The following PRDM14 variants were observed in gnomAD, a reference collection of about 807,000 sequenced individuals.
PRDM14 encodes the protein PR domain zinc finger protein 14.
PRDM14 carries 16 observed loss-of-function variants against 48.0 expected under a neutral mutation model. The ratio of observed to expected loss-of-function variants is 0.33; its 90% confidence interval spans 0.23 to 0.51. The LOEUF (loss-of-function observed/expected upper bound fraction) is 0.51. Ranked by LOEUF, PRDM14 falls within the 20% of genes least tolerant of loss-of-function variation. The pLI is 0.97. For synonymous variants in PRDM14, 264 were observed against 276.6 expected, an observed-to-expected ratio of 0.95 and a Z score of 0.45; for missense variants, 566 against 719.6, an observed-to-expected ratio of 0.79 and a Z score of 2.44.
chr8:70,068,578 TA>T (rs758938783), intron 2 of PRDM14, 46 bp from the exon 3 acceptor site: 2 of 1,545,246 alleles, frequency 1.3e-6, no homozygotes, highest in Non-Finnish European at 1.8e-6. Context: ...AAATGCATTA[TA>T]AAGTGCTTTT....
intron 2 of PRDM14, among the ~76,000 whole-genome samples, chr8:70,068,818 CCTGA>C (rs1172687939): frequency 6.6e-6 from 1 of 152,154 alleles, no homozygotes; most frequent in Non-Finnish European, 1.5e-5. Context: ...AGAGGTAATG[CCTGA>C]CTAAGGTCAG....
At position 70,069,600 on chromosome 8, in the gene PRDM14, C is replaced by G. The variant is rs1008642336; in HGVS notation, c.261G>C (p.Glu87Asp). 2 of 1,590,594 alleles carry G rather than the reference C, an allele frequency of 1.3e-6. No individual in the cohort carries two copies. The highest frequency in any genetic ancestry group is 2.7e-5 in the African/African-American group (2 of 74,448). Residue 87 changes from glutamate (E) to aspartate (D), a missense_variant, in exon 2 of 8, where the codon GAG (glutamate) becomes GAC (aspartate). Coordinates refer to ENST00000276594, the MANE Select transcript of PRDM14 (RefSeq NM_024504.4). ...LLSPGLGLQREPLYDLPWYSK... is the reference protein window; with the variant it reads ...LLSPGLGLQRDPLYDLPWYSK... Reference sequence around the variant, plus strand: ...TGTACCAGGGCAGATCGTAGAGAGGCTCCCTCTGTAGGCCCAGACCCGGGC... The same window carrying G: ...TGTACCAGGGCAGATCGTAGAGAGGGTCCCTCTGTAGGCCCAGACCCGGGC...
intron 6 of PRDM14, 138 bp downstream of exon 6, chr8:70,058,502 T>C: frequency 1.4e-6 from 1 of 699,994 alleles, no homozygotes; most frequent in Non-Finnish European, 2.5e-6. Context: ...CGTAATACTA[T>C]CCTCTCCTCC....
At position 70,055,467 on chromosome 8, in the gene PRDM14, C is replaced by T. The variant is rs767838198; in HGVS notation, c.1387-66G>A. 324 of 903,832 alleles carry T rather than the reference C, an allele frequency of 3.6e-4. 1 individual carries two copies. Among genetic ancestry groups the T allele is most frequent in the Non-Finnish European group, 8.5e-5 (47 of 550,764 alleles). The allele number at this position is 903,832 out of a possible 1,614,324, so 56.0% of individuals were successfully genotyped here. A position where few individuals can be genotyped will look rare whatever the true frequency, so the allele number is the denominator to read the frequency against. On this transcript the variant is annotated intron_variant, in intron 6 of 7. Transcript: ENST00000276594. Reference sequence around the variant, plus strand: ...CTCTAACAAGTCCATTTCAACCTTGCGTTTACCTGGGGTTAGAGAAGAACT... The same window carrying T: ...CTCTAACAAGTCCATTTCAACCTTGTGTTTACCTGGGGTTAGAGAAGAACT...
chr8:70,052,100 T>C lies in PRDM14; in HGVS notation c.1693A>G (p.Met565Val), dbSNP rs1225913257. ...GGCTAGTAGTCTTCATGAAACTTCA[T>C]GTGGGAGTAGAATGTTTCTTGATCT... ...FSDQETFYSH[M>V]KFHEDY Residue 565 changes from methionine to valine, a missense_variant, in exon 8 of 8, where the codon ATG becomes GTG. Physicochemically the swap from Met to Val is conservative, Grantham distance 21. This residue lies in a region of PRDM14 where 30 missense variants were observed against 23.4 expected (regional missense o/e 1.28). Coordinates refer to ENST00000276594, the MANE Select transcript of PRDM14 (RefSeq NM_024504.4). The C allele has an allele frequency of 3.7e-6, 6 of 1,609,142 alleles. No homozygotes were observed. Among genetic ancestry groups the C allele is most frequent in the Admixed American group, 1.7e-5 (1 of 59,864 alleles).
intron 5 of PRDM14, among the ~76,000 whole-genome samples, chr8:70,064,655 G>T (rs1232339225): frequency 2.6e-5 from 4 of 151,206 alleles, no homozygotes; most frequent in Non-Finnish European, 5.9e-5. Context: ...CTCCCAAGTA[G>T]CTGGGACTAC....
intron 1 of PRDM14, among the ~76,000 whole-genome samples, chr8:70,070,276 A>G (rs796706299): frequency 2.6e-5 from 4 of 152,162 alleles, no homozygotes; most frequent in African/African-American, 7.2e-5. Flanking sequence ...CAGTCCTACA[A>G]AACTCGTTGG....
intron 5 of PRDM14, 118 bp from the exon 6 acceptor site, chr8:70,058,960 A>G: frequency 1.1e-6 from 1 of 894,048 alleles, no homozygotes; most frequent in Non-Finnish European, 1.6e-6. Context: ...TTCAAGAGGA[A>G]TTTTCTTTTT....
At chr8:70,061,162 G>A (rs749488559) in intron 5 of PRDM14, among the ~76,000 whole-genome samples, 4 of 152,154 alleles carry the variant, frequency 2.6e-5, no homozygotes, top group Non-Finnish European at 4.4e-5. Flanking sequence ...CCCACGTCCA[G>A]GGGTGTCTAT....
At chr8:70,065,509 G>A (rs888669505) in intron 5 of PRDM14, among the ~76,000 whole-genome samples, 7 of 152,002 alleles carry the variant, frequency 4.6e-5, no homozygotes, top group Non-Finnish European at 1.5e-5. Flanking sequence ...AGCACTCCCT[G>A]CAAGTTGATA....
At chr8:70,055,504 TTTTTC>T in intron 6 of PRDM14, 103 bp from the exon 7 acceptor site, 1 of 582,938 alleles carries the variant, frequency 1.7e-6, no homozygotes, top group South Asian at 2.0e-5. Flanking sequence ...TTTTCCAATT[TTTTTC>T]TTTTTTTTTT....
At chr8:70,070,715 G>A (rs1031920713) in intron 1 of PRDM14, among the ~76,000 whole-genome samples, 5 of 152,224 alleles carry the variant, frequency 3.3e-5, no homozygotes, top group Non-Finnish European at 5.9e-5. Context: ...ACGAGCCCTG[G>A]CCAGGTGGGA....
At chr8:70,058,167 A>G (rs1805510229) in intron 6 of PRDM14, among the ~76,000 whole-genome samples, 1 of 152,194 alleles carries the variant, frequency 6.6e-6, no homozygotes, top group Non-Finnish European at 1.5e-5. Flanking sequence ...GCTCCTTGGA[A>G]GGACCGTGCC....
At chr8:70,067,400 C>T (rs753404853) in intron 4 of PRDM14, among the ~76,000 whole-genome samples, 2 of 152,008 alleles carry the variant, frequency 1.3e-5, no homozygotes, top group Non-Finnish European at 2.9e-5. Context: ...TGCCTGTAAT[C>T]CTAGCTACTC....
Position 70,069,071 on chromosome 8 carries a change from C to T in PRDM14, c.700+90G>A, listed in dbSNP as rs1805718708. Reference sequence around the variant, plus strand: ...CCCTTCCCGCACTCTGCAGCCTCAGCTCCACCTGGAAGCGCCTCTTCCCGG... The same window carrying T: ...CCCTTCCCGCACTCTGCAGCCTCAGTTCCACCTGGAAGCGCCTCTTCCCGG... On this transcript the variant is annotated intron_variant, in intron 2 of 7. Coordinates refer to ENST00000276594, the MANE Select transcript of PRDM14 (RefSeq NM_024504.4). The T allele has an allele frequency of 1.3e-5, 14 of 1,054,098 alleles. No homozygotes were observed. The South Asian group carries it at 2.7e-4, about 20-fold the overall frequency. The allele number at this position is 1,054,098 out of a possible 1,614,324, so 65.3% of individuals were successfully genotyped here.
At chr8:70,059,647 C>A (rs1805543233) in intron 5 of PRDM14, among the ~76,000 whole-genome samples, 1 of 151,942 alleles carries the variant, frequency 6.6e-6, no homozygotes, top group Non-Finnish European at 1.5e-5. Flanking sequence ...TGTAATAAAC[C>A]CTCATGTGCC....
At chr8:70,064,458 T>C (rs574085658) in intron 5 of PRDM14, among the ~76,000 whole-genome samples, 7 of 152,104 alleles carry the variant, frequency 4.6e-5, no homozygotes, top group South Asian at 4.1e-4. Flanking sequence ...CTAAAGTGTT[T>C]AGGGTTATTT....
At position 70,052,197 on chromosome 8, in the gene PRDM14, A is replaced by G. The variant is rs1805397187; in HGVS notation, c.1596T>C (p.His532=). 2.5e-6 allele frequency: 4 copies of G among 1,613,912 alleles called. No homozygotes were observed. Among genetic ancestry groups the G allele is most frequent in the African/African-American group, 1.3e-5 (1 of 74,940 alleles). Residue 532 remains histidine, a synonymous_variant, in exon 8 of 8, where the codon CAT becomes CAC. Coordinates refer to ENST00000276594, the MANE Select transcript of PRDM14 (RefSeq NM_024504.4). ...CGKSFASHAA[H]DSHVRRSHKE... ...TGTGTGAACGCCGGACATGGCTGTC[A>G]TGGGCAGCATGGGATGCAAAAGATT...
At position 70,057,198 on chromosome 8, in the gene PRDM14, C is replaced by T. The variant is rs566894717; in HGVS notation, c.1386+1442G>A. ...GCCACGATGGTCTTGATCTCCTGAC[C>T]TCGTGATCCACCTGTCTCGGCCTCC... is the stretch of plus-strand genomic sequence containing the variant. On this transcript the variant is annotated intron_variant, in intron 6 of 7. Transcript: ENST00000276594. 2.0e-5 allele frequency among the ~76,000 whole-genome samples: 3 copies of T among 152,154 alleles called. No individual in the cohort carries two copies. The South Asian group carries it at 6.2e-4, about 32-fold the overall frequency.
Sources: allele counts gnomAD v4.1 joint callset (sites outside exome capture counted in the v4.1 genomes callset), GRCh38; gene constraint gnomAD v4.1.1; regional missense constraint gnomAD v4.1.1; transcripts MANE v1.5; gene names NCBI Gene and HGNC (gene_info 2026-07-23, HGNC 2026-07-21).